GALNT17: variants seen among roughly 807,000 people sequenced by gnomAD.
GALNT17 encodes the protein UDP-GalNAc:polypeptide N-acetylgalactosaminyltransferase-like 3.
A neutral mutation model predicts 63.7 loss-of-function variants in GALNT17; 29 were observed. That is an observed-to-expected ratio of 0.46 (90% confidence interval 0.34 to 0.62). The LOEUF (loss-of-function observed/expected upper bound fraction) is 0.62. Among genes scored for constraint, GALNT17 ranks in the 20% least tolerant of loss-of-function variants. The pLI is 0.01. For synonymous variants in GALNT17, 305 were observed against 318.3 expected (o/e 0.96, Z 0.45); for missense variants, 603 against 799.6 (o/e 0.75, Z 2.97).
chr7:71,162,428 CCATCCATT>C (rs530967717), intron 1 of GALNT17, among the ~76,000 whole-genome samples: 1,846 of 148,394 alleles, frequency 0.012, 29 homozygotes, highest in African/African-American at 0.042. Flanking sequence ...ATCCATCCAT[CCATCCATT>C]CATCCATCCA....
At chr7:71,296,325 G>C (rs1352937765) in intron 1 of GALNT17, among the ~76,000 whole-genome samples, 1 of 152,060 alleles carries the variant, frequency 6.6e-6, no homozygotes, top group Admixed American at 6.6e-5. Flanking sequence ...CTTGATTAAT[G>C]TATTATTGGC....
intron 2 of GALNT17, among the ~76,000 whole-genome samples, chr7:71,367,908 T>C (rs1792545048): frequency 6.6e-6 from 1 of 152,152 alleles, no homozygotes; most frequent in African/African-American, 2.4e-5. Context: ...AGGGGACTTG[T>C]GATGGAGCCA....
intron 9 of GALNT17, among the ~76,000 whole-genome samples, chr7:71,701,252 C>T (rs1000906237): frequency 2.6e-5 from 4 of 152,030 alleles, no homozygotes; most frequent in South Asian, 4.1e-4. Flanking sequence ...TTTGGGAGGC[C>T]GAGGTAGGCA....
chr7:71,430,982 A>G (rs1013048837), intron 5 of GALNT17, among the ~76,000 whole-genome samples: 1 of 152,098 alleles, frequency 6.6e-6, no homozygotes, highest in Non-Finnish European at 1.5e-5. Context: ...GATGGAGTTC[A>G]TGGGTGGTGA....
intron 6 of GALNT17, among the ~76,000 whole-genome samples, chr7:71,649,612 A>AAC (rs148658729): frequency 0.13 from 18,619 of 146,120 alleles, 1,131 homozygotes; most frequent in Admixed American, 0.18. Context: ...TTCAGGATTA[A>AAC]ACACACACAC....
At chr7:71,250,493 G>A (rs1181844118) in intron 1 of GALNT17, among the ~76,000 whole-genome samples, 1 of 152,016 alleles carries the variant, frequency 6.6e-6, no homozygotes, top group African/African-American at 2.4e-5. Flanking sequence ...CGTGCCCTTT[G>A]CTGTAGTAAC....
At chr7:71,597,204 A>AT (rs1202824585) in intron 6 of GALNT17, among the ~76,000 whole-genome samples, 8 of 150,656 alleles carry the variant, frequency 5.3e-5, no homozygotes, top group Admixed American at 3.3e-4. Flanking sequence ...TGCCCGGCTA[A>AT]TTTTTTTTGT....
intron 1 of GALNT17, among the ~76,000 whole-genome samples, chr7:71,183,197 TG>T (rs1788767091): frequency 6.6e-6 from 1 of 152,102 alleles, no homozygotes; most frequent in Admixed American, 6.6e-5. Context: ...GCCTAGTGCT[TG>T]GGGGCACATT....
chr7:71,434,195 G>A lies in GALNT17; in HGVS notation c.962+13090G>A, dbSNP rs2960860. 2.9e-3 allele frequency among the ~76,000 whole-genome samples: 434 copies of A among 152,226 alleles called. 1 individual carries two copies. The highest frequency in any genetic ancestry group is 9.8e-3 in the African/African-American group (408 of 41,534). On this transcript the variant is annotated intron_variant, in intron 5 of 10. Coordinates refer to ENST00000333538, the MANE Select transcript of GALNT17 (RefSeq NM_022479.3). ...TTTCTTTACTCCTCAGCTTGCAGAC[G>A]GCTTATTGCGGGACTTCACCTTGTG...
chr7:71,688,304 A>G (rs939511849), intron 9 of GALNT17, among the ~76,000 whole-genome samples: 1 of 152,038 alleles, frequency 6.6e-6, no homozygotes, highest in Non-Finnish European at 1.5e-5. Context: ...AATATTCAAA[A>G]TGTTTCTGAT....
chr7:71,632,427 G>A (rs963457063), intron 6 of GALNT17, among the ~76,000 whole-genome samples: 2 of 152,214 alleles, frequency 1.3e-5, no homozygotes, highest in African/African-American at 4.8e-5. Context: ...AGCCCTCAAA[G>A]AAAGGAGAAG....
chr7:71,568,296 G>T (rs578001666), intron 5 of GALNT17, among the ~76,000 whole-genome samples: 11 of 152,336 alleles, frequency 7.2e-5, no homozygotes, highest in Non-Finnish European at 1.3e-4. Flanking sequence ...CAGTCGTTCA[G>T]TGGAGATGGT....
chr7:71,602,135 T>C (rs996521299), intron 6 of GALNT17, among the ~76,000 whole-genome samples: 5 of 152,246 alleles, frequency 3.3e-5, no homozygotes, highest in Non-Finnish European at 5.9e-5. Context: ...CCTAAACTTA[T>C]GATCTTTTCA....
At chr7:71,594,054 C>G (rs1789851965) in intron 6 of GALNT17, among the ~76,000 whole-genome samples, 1 of 151,566 alleles carries the variant, frequency 6.6e-6, no homozygotes, top group Admixed American at 6.6e-5. Context: ...CTTGTTGACA[C>G]ACATCAAGTT....
intron 3 of GALNT17, among the ~76,000 whole-genome samples, chr7:71,396,718 C>T (rs1352167380): frequency 6.6e-6 from 1 of 151,974 alleles, no homozygotes; most frequent in Non-Finnish European, 1.5e-5. Flanking sequence ...GTATTGTCAT[C>T]TTGATAATAT....
chr7:71,302,057 T>TG (rs1237139042), intron 1 of GALNT17, among the ~76,000 whole-genome samples: 1 of 152,140 alleles, frequency 6.6e-6, no homozygotes, highest in African/African-American at 2.4e-5. Flanking sequence ...GGGACATGGA[T>TG]GAAGCTGGGA....
intron 1 of GALNT17, among the ~76,000 whole-genome samples, chr7:71,321,133 A>G (rs564736444): frequency 1.9e-4 from 29 of 152,222 alleles, no homozygotes; most frequent in African/African-American, 6.3e-4. Flanking sequence ...GATGCTGACA[A>G]ATTTCTTAGG....
intron 6 of GALNT17, among the ~76,000 whole-genome samples, chr7:71,614,804 A>C (rs972812109): frequency 6.8e-6 from 1 of 146,834 alleles, no homozygotes; most frequent in Non-Finnish European, 1.5e-5. Context: ...AAGAGAAAAA[A>C]GTAATAGAGA....
At chr7:71,408,661 G>A (rs77409608) in intron 3 of GALNT17, among the ~76,000 whole-genome samples, 6,795 of 152,130 alleles carry the variant, frequency 0.045, 545 homozygotes, top group African/African-American at 0.16. Context: ...ATTGCTTGAC[G>A]CCAGGAGTTT....
Sources: gnomAD v4.1 joint callset for allele counts (sites outside exome capture counted in the v4.1 genomes callset) on GRCh38, gnomAD v4.1.1 for gene constraint, MANE v1.5 for transcripts, NCBI Gene and HGNC (gene_info 2026-07-23, HGNC 2026-07-21) for gene names.